The following PROM1 variants were observed in gnomAD, a reference collection of about 807,000 sequenced individuals.
PROM1 encodes the protein prominin-1.
Under a neutral mutation model 116.9 loss-of-function variants are expected in PROM1, and 105 were observed. That is an observed-to-expected ratio of 0.90 (90% CI 0.77 to 1.06). The LOEUF (loss-of-function observed/expected upper bound fraction) is 1.06, where lower values mean the gene tolerates loss of function less well. Among genes scored for constraint, PROM1 ranks in the 50% least tolerant of loss-of-function variants. The probability of loss-of-function intolerance (pLI) is 0.00; values close to 1 mark genes in which losing one functional copy is unlikely to be tolerated. For synonymous variants in PROM1, 393 were observed against 387.0 expected (o/e 1.02, Z -0.18); for missense variants, 1,122 against 1,045.2 (o/e 1.07, Z -1.01).
intron 2 of PROM1, chr4:16,055,267 G>A (rs893979036): frequency 2.1e-5 from 8 of 383,442 alleles, no homozygotes; most frequent in African/African-American, 1.7e-4. Flanking sequence ...GGTCATGGTG[G>A]CTTACGTCTA....
Position 16,003,824 on chromosome 4 carries a change from G to A in PROM1, c.1454+2714C>T, listed in dbSNP as rs145131928. ...AAATAAAATGCTTCTGGGACCATCTGAAGATAAAAGATCAGAGCAGAGCCA... is the reference window on the plus strand; with the variant it reads ...AAATAAAATGCTTCTGGGACCATCTAAAGATAAAAGATCAGAGCAGAGCCA... On this transcript the variant is annotated intron_variant, in intron 13 of 27. Transcript: ENST00000447510. Among the ~76,000 whole-genome samples the A allele has an allele frequency of 5.6e-3, 855 of 152,288 alleles. 8 individuals are homozygous for A. The highest frequency in any genetic ancestry group is 0.02 in the African/African-American group (818 of 41,564).
chr4:15,988,786 C>T (rs541615373), intron 19 of PROM1, among the ~76,000 whole-genome samples: 4 of 135,502 alleles, frequency 3.0e-5, no homozygotes, highest in Admixed American at 2.9e-4. Context: ...GTAAATAGCA[C>T]TGGACACAAA....
chr4:15,984,241 C>A, intron 23 of PROM1, 22 bp downstream of exon 23: 1 of 1,526,574 alleles, frequency 6.6e-7, no homozygotes, highest in Non-Finnish European at 9.0e-7. Flanking sequence ...ATTGTGTCTT[C>A]TTTTGAAAGA....
chr4:16,064,842 G>A (rs573830333), intron 2 of PROM1, among the ~76,000 whole-genome samples: 9 of 118,644 alleles, frequency 7.6e-5, no homozygotes, highest in South Asian at 5.6e-4. Flanking sequence ...GCAGTGAGCC[G>A]AGACTACACC....
intron 2 of PROM1, among the ~76,000 whole-genome samples, chr4:16,061,079 A>G (rs1349467990): frequency 1.3e-5 from 2 of 152,186 alleles, no homozygotes; most frequent in Admixed American, 6.5e-5. Flanking sequence ...CTTAAGTATT[A>G]TAAACTTGAA....
In PROM1 at chr4:15,984,321, G is replaced by A. The variant is rs547849234; in HGVS notation, c.2315C>T (p.Ala772Val). The change falls in exon 23 of 28, where the codon GCC becomes GTC. Residue 772 changes from alanine to valine, a missense_variant. Ala to Val is a moderately conservative substitution (Grantham distance 64). Coordinates refer to ENST00000447510, the MANE Select transcript of PROM1 (RefSeq NM_006017.3). The part of the protein sequence containing the change: ...SEKVASCKPV[A>V]TALDTAVDVF... ...ATCAACAGCAGTATCTAGAGCGGTG[G>A]CCACAGGTTTGCACGATGCCACTTT... 15 of 1,607,500 alleles carry A rather than the reference G, an allele frequency of 9.3e-6. No individual in the cohort carries two copies. In the East Asian group the frequency reaches 1.6e-4, roughly 17 times the overall value.
At chr4:15,976,269 T>C (rs1716098896) in intron 26 of PROM1, 1 of 441,340 alleles carries the variant, frequency 2.3e-6, no homozygotes. Context: ...AGGGCTGTTT[T>C]CTAACATTTT....
At chr4:16,064,713 T>C (rs1741112251) in intron 2 of PROM1, among the ~76,000 whole-genome samples, 1 of 152,144 alleles carries the variant, frequency 6.6e-6, no homozygotes, top group African/African-American at 2.4e-5. Flanking sequence ...GCCAACATGG[T>C]GAAACCCTGT....
chr4:16,025,959 A>T (rs1466554808), intron 5 of PROM1, among the ~76,000 whole-genome samples: 1 of 152,216 alleles, frequency 6.6e-6, no homozygotes. Context: ...AAGTGCAAAA[A>T]CAAGTGAAAC....
intron 2 of PROM1, among the ~76,000 whole-genome samples, chr4:16,052,995 T>C (rs1738230727): frequency 1.3e-5 from 2 of 152,352 alleles, no homozygotes; most frequent in Admixed American, 1.3e-4. Flanking sequence ...AGACGAAATA[T>C]TTAATTTGAA....
chr4:15,974,966 A>G (rs1157527417), intron 26 of PROM1, among the ~76,000 whole-genome samples: 1 of 152,192 alleles, frequency 6.6e-6, no homozygotes, highest in Non-Finnish European at 1.5e-5. Context: ...GGTGTCGGCT[A>G]ATATCCAGAG....
chr4:16,082,707 G>C (rs1388920426), intron 1 of PROM1: 1 of 152,178 alleles, frequency 6.6e-6, no homozygotes, highest in Non-Finnish European at 1.5e-5. Flanking sequence ...TGAGCGCGTC[G>C]GCGCCAGTTC....
chr4:16,056,488 T>C (rs527487628), intron 2 of PROM1, among the ~76,000 whole-genome samples: 27 of 152,238 alleles, frequency 1.8e-4, no homozygotes, highest in African/African-American at 6.3e-4. Context: ...TGTTCCCCTC[T>C]TCAAGATGTT....
intron 11 of PROM1, among the ~76,000 whole-genome samples, chr4:16,012,590 G>A (rs1727160248): frequency 6.6e-6 from 1 of 151,974 alleles, no homozygotes; most frequent in South Asian, 2.1e-4. Context: ...TTTGATTTTG[G>A]CCAGGCACGG....
chr4:15,971,210 T>A, intron 26 of PROM1, 128 bp from the exon 27 acceptor site: 1 of 697,766 alleles, frequency 1.4e-6, no homozygotes, highest in African/African-American at 1.8e-5. Flanking sequence ...CTCATAAAGT[T>A]TATCAAGAAG....
chr4:16,017,180 A>T (rs1038644920), intron 9 of PROM1, among the ~76,000 whole-genome samples: 1 of 152,228 alleles, frequency 6.6e-6, no homozygotes, highest in African/African-American at 2.4e-5. Flanking sequence ...TATTTTATGC[A>T]TGTATATATT....
In PROM1 at chr4:16,075,671, T is replaced by A; in HGVS notation, c.220+16A>T. The A allele has an allele frequency of 1.3e-6, 2 of 1,599,126 alleles. No individual in the cohort carries two copies. Among genetic ancestry groups the A allele is most frequent in the South Asian group, 1.1e-5 (1 of 88,912 alleles). ...TTTGGAGATAAATCCTATCTTTCCCTGCCATCAGCACTTACCTTCTGGGAA... is the reference window on the plus strand; with the variant it reads ...TTTGGAGATAAATCCTATCTTTCCCAGCCATCAGCACTTACCTTCTGGGAA... On this transcript the variant is annotated intron_variant, in intron 2 of 27. Coordinates refer to ENST00000447510, the MANE Select transcript of PROM1 (RefSeq NM_006017.3).
chr4:16,042,587 A>G (rs922760618), intron 2 of PROM1, among the ~76,000 whole-genome samples: 2 of 152,210 alleles, frequency 1.3e-5, no homozygotes, highest in African/African-American at 4.8e-5. Context: ...ATAAATTTAT[A>G]CAAATTTAAA....
At chr4:16,054,346 T>C (rs962334951) in intron 2 of PROM1, among the ~76,000 whole-genome samples, 12 of 152,174 alleles carry the variant, frequency 7.9e-5, no homozygotes, top group Non-Finnish European at 5.9e-5. Context: ...ACCCTTCCAA[T>C]TCAAATCAAA....
Sources: allele counts gnomAD v4.1 joint callset (sites outside exome capture counted in the v4.1 genomes callset), GRCh38; gene constraint gnomAD v4.1.1; transcripts MANE v1.5; gene names NCBI Gene and HGNC (gene_info 2026-07-23, HGNC 2026-07-21).